The following PPHLN1 variants were observed in gnomAD, a reference collection of about 807,000 sequenced individuals.
PPHLN1 encodes periphilin-1.
PPHLN1 carries 29 observed loss-of-function variants against 51.3 expected under a neutral mutation model. The ratio of observed to expected loss-of-function variants is 0.57; its 90% CI spans 0.42 to 0.77. The LOEUF (loss-of-function observed/expected upper bound fraction) is 0.77. Ranked by LOEUF, PPHLN1 falls within the 30% of genes least tolerant of loss-of-function variation. PPHLN1 has a pLI of 0.00. For missense variants in PPHLN1, 436 were observed against 438.4 expected (o/e 0.99, Z 0.05); for synonymous variants, 147 against 147.8 (o/e 0.99, Z 0.04).
rs1272680302 is a variant in PPHLN1, at chr12:42,378,257, A to AT, written c.511+3189dup. The stretch of plus-strand genomic sequence containing the variant: ...TAACTACTTGGGCTGAACTATGAAA[A>AT]TTTTTTCTATTTTCCCTTCCTGTTT... On this transcript the variant is annotated intron_variant, in intron 5 of 9. Coordinates refer to ENST00000358314, the MANE Select transcript of PPHLN1 (RefSeq NM_201439.2). 4.6e-5 allele frequency among the ~76,000 whole-genome samples: 7 copies of AT among 152,092 alleles called. No individual in the cohort carries two copies. In the East Asian group the frequency reaches 5.8e-4, roughly 13 times the overall value.
chr12:42,446,106 G>T (rs1159959108), downstream of PPHLN1: 1 of 1,555,034 alleles, frequency 6.4e-7, no homozygotes, highest in African/African-American at 1.4e-5. Flanking sequence ...CTGCAGCCCC[G>T]GAAGAAACGG....
At chr12:42,350,186 G>A (rs919003040) in intron 2 of PPHLN1, 2 of 146,996 alleles carry the variant, frequency 1.4e-5, no homozygotes, top group Non-Finnish European at 3.0e-5. Context: ...GGCTGGGGGA[G>A]GCGCCCCTCA....
At chr12:42,424,937 T>G (rs1050870005) in intron 9 of PPHLN1, among the ~76,000 whole-genome samples, 8 of 152,090 alleles carry the variant, frequency 5.3e-5, no homozygotes, top group African/African-American at 1.9e-4. Flanking sequence ...CATAATACAG[T>G]GTTAAGACAT....
At chr12:42,360,752 CA>C (rs2074582418) in intron 4 of PPHLN1, among the ~76,000 whole-genome samples, 1 of 152,104 alleles carries the variant, frequency 6.6e-6, no homozygotes, top group South Asian at 2.1e-4. Flanking sequence ...CTTGGCCTCC[CA>C]AAGTGCTTGG....
chr12:42,403,480 T>C (rs976181034), intron 9 of PPHLN1, among the ~76,000 whole-genome samples: 2 of 152,232 alleles, frequency 1.3e-5, no homozygotes, highest in Non-Finnish European at 2.9e-5. Flanking sequence ...GTATAAAGTT[T>C]TTATTTTAAG....
At chr12:42,416,062 G>C (rs1326853793) in intron 9 of PPHLN1, among the ~76,000 whole-genome samples, 1 of 152,182 alleles carries the variant, frequency 6.6e-6, no homozygotes, top group Non-Finnish European at 1.5e-5. Flanking sequence ...ACATAAAGGT[G>C]AATGACGTGC....
intron 4 of PPHLN1, chr12:42,361,558 A>G (rs914378270): frequency 6.6e-6 from 1 of 152,172 alleles, no homozygotes; most frequent in Non-Finnish European, 1.5e-5. Context: ...GTTGTAATTC[A>G]TTGCTGTCAC....
chr12:42,398,826 A>G, intron 8 of PPHLN1, 28 bp from the exon 9 acceptor site: 1 of 1,607,120 alleles, frequency 6.2e-7, no homozygotes, highest in Non-Finnish European at 8.5e-7. Context: ...TTAAGAAAAT[A>G]ATTAAAGATT....
intron 1 of PPHLN1, among the ~76,000 whole-genome samples, chr12:42,328,732 C>T (rs567802516): frequency 8.5e-5 from 13 of 152,062 alleles, no homozygotes; most frequent in Admixed American, 6.6e-4. Context: ...TTTTTTGAGA[C>T]GGTGTCTTGC....
At chr12:42,445,655 A>G (rs987780890), downstream of PPHLN1, 4 of 234,996 alleles carry the variant, frequency 1.7e-5, no homozygotes, top group Non-Finnish European at 2.5e-5. Flanking sequence ...GGAGCGTCCA[A>G]CATTCCACAG....
chr12:42,424,676 C>T (rs574713971), intron 9 of PPHLN1, among the ~76,000 whole-genome samples: 1 of 152,274 alleles, frequency 6.6e-6, no homozygotes, highest in African/African-American at 2.4e-5. Context: ...TGCACTAGCA[C>T]TTTCTGATCC....
intron 8 of PPHLN1, 59 bp downstream of exon 8, chr12:42,393,748 T>G: frequency 2.7e-6 from 4 of 1,487,404 alleles, no homozygotes; most frequent in Non-Finnish European, 3.6e-6. Context: ...GATTTTAAAT[T>G]ATGGGCGAAA....
In PPHLN1 at chr12:42,402,698, G is replaced by A. The variant is rs1286195010; in HGVS notation, c.909+3704G>A. Reference sequence around the variant, plus strand: ...TTTTTTAAACCTTCTTAAGGACACAGGGCTCTTAAATTAAAATAAGTTTTT... The same window carrying A: ...TTTTTTAAACCTTCTTAAGGACACAAGGCTCTTAAATTAAAATAAGTTTTT... On this transcript the variant is annotated intron_variant, in intron 9 of 9. Coordinates refer to ENST00000358314, the MANE Select transcript of PPHLN1 (RefSeq NM_201439.2). 2.0e-5 allele frequency among the ~76,000 whole-genome samples: 3 copies of A among 151,858 alleles called. No homozygotes were observed. In the East Asian group the frequency reaches 5.8e-4, roughly 29 times the overall value.
At chr12:42,390,416 A>G (rs1478304602) in intron 7 of PPHLN1, among the ~76,000 whole-genome samples, 1 of 152,242 alleles carries the variant, frequency 6.6e-6, no homozygotes, top group Non-Finnish European at 1.5e-5. Context: ...CAAAGTCACT[A>G]CAAAAATTCA....
At chr12:42,354,149 A>G (rs1464535653) in intron 3 of PPHLN1, among the ~76,000 whole-genome samples, 1 of 152,176 alleles carries the variant, frequency 6.6e-6, no homozygotes, top group East Asian at 1.9e-4. Flanking sequence ...GAGGAAGATG[A>G]GGATATTTAT....
At chr12:42,416,088 T>G (rs1225292654) in intron 9 of PPHLN1, among the ~76,000 whole-genome samples, 3 of 151,986 alleles carry the variant, frequency 2.0e-5, no homozygotes, top group Non-Finnish European at 4.4e-5. Context: ...AGTAGGAAAA[T>G]AGGGAACTAT....
downstream of PPHLN1, chr12:42,446,432 AACATACCCCCAGTGGG>A (rs1274687067): frequency 3.0e-6 from 4 of 1,346,346 alleles, no homozygotes; most frequent in East Asian, 9.8e-5. Flanking sequence ...AGGAGGGACT[AACATACCCCCAGTGGG>A]GTTCCTCAGT....
At position 42,374,941 on chromosome 12, in the gene PPHLN1, C is replaced by G. The variant is rs759771792; in HGVS notation, c.378C>G (p.Asp126Glu). The change falls in exon 5 of 10, where the codon GAC (aspartate) becomes GAG (glutamate). Residue 126 changes from aspartate to glutamate, a missense_variant. Transcript: ENST00000358314. ...GAGAGCGGTCTCCTTATAAAAGGGA[C>G]AATACTTTTTTCAGAGAATCACCTG... ...YARERSPYKR[D>E]NTFFRESPVG... The G allele has an allele frequency of 6.2e-7, 1 of 1,613,116 alleles. No homozygotes were observed. The highest frequency in any genetic ancestry group is 2.2e-5 in the East Asian group (1 of 44,820).
chr12:42,375,237 T>A, intron 5 of PPHLN1, 163 bp downstream of exon 5: 1 of 492,538 alleles, frequency 2.0e-6, no homozygotes, highest in Non-Finnish European at 3.5e-6. Context: ...ACAAACACCA[T>A]ACACACACAT....
Sources: gnomAD v4.1 joint callset for allele counts (sites outside exome capture counted in the v4.1 genomes callset) on GRCh38, gnomAD v4.1.1 for gene constraint, MANE v1.5 for transcripts, NCBI Gene and HGNC (gene_info 2026-07-23, HGNC 2026-07-21) for gene names.